SRD5A2: variants seen among roughly 807,000 people sequenced by gnomAD.
SRD5A2 encodes the protein steroid 5 alpha-reductase 2.
SRD5A2 carries 30 observed loss-of-function variants against 27.4 expected under a neutral mutation model. The ratio of observed to expected loss-of-function variants is 1.10; its 90% CI spans 0.82 to 1.49. The LOEUF (loss-of-function observed/expected upper bound fraction) is 1.49. Ranked by LOEUF, SRD5A2 falls within the 40% of genes most tolerant of loss-of-function variation. SRD5A2 has a pLI of 0.00. For missense variants in SRD5A2, 348 were observed against 323.4 expected, an observed-to-expected ratio of 1.08 and a Z score of -0.58; for synonymous variants, 141 against 133.6, an observed-to-expected ratio of 1.06 and a Z score of -0.38.
chr2:31,633,621 G>A, the SRD5A2 span, among the ~76,000 whole-genome samples: 3 of 152,100 alleles, frequency 2.0e-5, no homozygotes, highest in African/African-American at 4.8e-5. Flanking sequence ...GACATCGAAG[G>A]CACCCCTCCC....
At chr2:31,531,573 T>TCCAAAAAATGAAGGGAAGGGCATTTAATA in intron 2 of SRD5A2, 101 bp from the exon 3 acceptor site, 1 of 776,274 alleles carries the variant, frequency 1.3e-6, no homozygotes, top group Non-Finnish European at 2.1e-6. Flanking sequence ...GGCATTTAAT[T>TCCAAAAAATGAAGGGAAGGGCATTTAATA]TCTAAATCTA....
At chr2:31,593,113 G>A in the SRD5A2 span, among the ~76,000 whole-genome samples, 1 of 152,120 alleles carries the variant, frequency 6.6e-6, no homozygotes, top group Non-Finnish European at 1.5e-5. Context: ...ACTGTTGTGG[G>A]GTCGGGGGAG....
chr2:31,577,162 T>TAAAAAAAAAAAAAAAAAAAAA (rs10683997), intron 1 of SRD5A2, among the ~76,000 whole-genome samples: 1 of 57,174 alleles, frequency 1.7e-5, no homozygotes, highest in Non-Finnish European at 2.9e-5. Flanking sequence ...AAAAAAACAT[T>TAAAAAAAAAAAAAAAAAAAAA]AAAAAAAAAA....
intron 4 of SRD5A2, among the ~76,000 whole-genome samples, chr2:31,528,154 A>C (rs1467555625): frequency 6.6e-6 from 1 of 152,206 alleles, no homozygotes; most frequent in African/African-American, 2.4e-5. Flanking sequence ...GAGGGTTCTG[A>C]AACACCTGCA....
rs1172204467 is a variant in SRD5A2, at chr2:31,524,530, G to A, written c.*1666C>T. 4 of 229,838 alleles carry A rather than the reference G, an allele frequency of 1.7e-5. No individual in the cohort carries two copies. Among genetic ancestry groups the A allele is most frequent in the Non-Finnish European group, 3.4e-5 (4 of 115,982 alleles). 14.2% of individuals were successfully genotyped at this position (229,838 alleles called of 1,614,324 possible). ...ACAGGGAAGCACACCCCAATACCTTGTGAAAATCTCCAGAAGTCCCAGGAT... is the reference window on the plus strand; with the variant it reads ...ACAGGGAAGCACACCCCAATACCTTATGAAAATCTCCAGAAGTCCCAGGAT... On this transcript the variant is annotated 3_prime_UTR_variant, in exon 5 of 5. Coordinates refer to ENST00000622030, the MANE Select transcript of SRD5A2 (RefSeq NM_000348.4).
chr2:31,594,366 A>G, the SRD5A2 span, among the ~76,000 whole-genome samples: 1 of 152,214 alleles, frequency 6.6e-6, no homozygotes, highest in Admixed American at 6.5e-5. Flanking sequence ...AAGACATTCC[A>G]TGCAAATGGA....
the SRD5A2 span, among the ~76,000 whole-genome samples, chr2:31,630,081 T>G: frequency 1.3e-5 from 2 of 152,112 alleles, no homozygotes; most frequent in African/African-American, 4.8e-5. Flanking sequence ...GGCCCCAAGT[T>G]TGCAAATGGC....
chr2:31,562,948 C>G (rs2300702), intron 1 of SRD5A2: 78,722 of 151,952 alleles, frequency 0.52, 20,875 homozygotes, highest in Non-Finnish European at 0.58. Context: ...TTCATTTGGA[C>G]CAAACAAAAA....
intron 3 of SRD5A2, among the ~76,000 whole-genome samples, chr2:31,530,938 C>A (rs112653767): frequency 2.6e-5 from 4 of 152,170 alleles, no homozygotes; most frequent in Non-Finnish European, 1.5e-5. Flanking sequence ...GCAGGAAATA[C>A]GCAAGTTCTA....
intron 1 of SRD5A2, among the ~76,000 whole-genome samples, chr2:31,573,668 T>A (rs1057367306): frequency 6.6e-6 from 1 of 152,118 alleles, no homozygotes; most frequent in African/African-American, 2.4e-5. Flanking sequence ...CACCCATTCC[T>A]CCTCAGGCAA....
intron 1 of SRD5A2, among the ~76,000 whole-genome samples, chr2:31,552,743 T>C (rs920607459): frequency 3.3e-5 from 5 of 152,130 alleles, no homozygotes; most frequent in African/African-American, 1.2e-4. Context: ...TGTGAGAGGC[T>C]CTCCAAATCT....
At chr2:31,601,066 A>T in the SRD5A2 span, among the ~76,000 whole-genome samples, 1 of 152,000 alleles carries the variant, frequency 6.6e-6, no homozygotes, top group African/African-American at 2.4e-5. Flanking sequence ...ACAAGAAATA[A>T]CCAAGATCAG....
the SRD5A2 span, among the ~76,000 whole-genome samples, chr2:31,587,860 C>A: frequency 2.0e-5 from 3 of 152,210 alleles, no homozygotes; most frequent in African/African-American, 7.2e-5. Flanking sequence ...ACATGTATAC[C>A]TATGTAACAA....
At chr2:31,638,068 C>T in the SRD5A2 span, among the ~76,000 whole-genome samples, 1 of 151,886 alleles carries the variant, frequency 6.6e-6, no homozygotes, top group African/African-American at 2.4e-5. Context: ...CATTTATTGC[C>T]ATAAACTTCC....
chr2:31,624,241 T>C, the SRD5A2 span, among the ~76,000 whole-genome samples: 2 of 152,086 alleles, frequency 1.3e-5, no homozygotes, highest in Non-Finnish European at 2.9e-5. Flanking sequence ...AATCCAATTA[T>C]ACTCTTTTAG....
chr2:31,530,329 G>C (rs1222772137), intron 3 of SRD5A2, among the ~76,000 whole-genome samples: 1 of 152,060 alleles, frequency 6.6e-6, no homozygotes, highest in Admixed American at 6.6e-5. Flanking sequence ...TCTAGTTATG[G>C]AGTGAATGTT....
At chr2:31,615,365 A>G in the SRD5A2 span, among the ~76,000 whole-genome samples, 1 of 152,160 alleles carries the variant, frequency 6.6e-6, no homozygotes, top group African/African-American at 2.4e-5. Flanking sequence ...GATATAGATA[A>G]TAAGGTCCAG....
chr2:31,562,837 T>G (rs1666651631), intron 1 of SRD5A2, among the ~76,000 whole-genome samples: 1 of 152,002 alleles, frequency 6.6e-6, no homozygotes, highest in Non-Finnish European at 1.5e-5. Flanking sequence ...TTAAAACAAA[T>G]AAATAAATGT....
At chr2:31,648,792 G>C in the SRD5A2 span, among the ~76,000 whole-genome samples, 1 of 152,124 alleles carries the variant, frequency 6.6e-6, no homozygotes, top group Non-Finnish European at 1.5e-5. Flanking sequence ...TCTTTTCTGA[G>C]CTTCAATTCT....
Sources: gnomAD v4.1 joint callset for allele counts (sites outside exome capture counted in the v4.1 genomes callset) on GRCh38, gnomAD v4.1.1 for gene constraint, MANE v1.5 for transcripts, NCBI Gene and HGNC (gene_info 2026-07-23, HGNC 2026-07-21) for gene names.